CCSER2: variants seen among roughly 807,000 people sequenced by gnomAD.
CCSER2 encodes the protein coiled-coil serine rich protein 2, also known as serine-rich coiled-coil domain-containing protein 2.
A neutral mutation model predicts 92.3 loss-of-function variants in CCSER2; 46 were observed. That is an observed-to-expected ratio of 0.50 (90% CI 0.39 to 0.64). The LOEUF (loss-of-function observed/expected upper bound fraction) is 0.64. Among genes scored for constraint, CCSER2 ranks in the 30% least tolerant of loss-of-function variants. CCSER2 has a pLI of 0.00. For missense variants in CCSER2, 1,244 were observed against 1,238.9 expected (o/e 1.00, Z -0.06); for synonymous variants, 433 against 431.4 (o/e 1.00, Z -0.04).
chr10:84,355,357 CTA>C (rs1459984401), intron 1 of CCSER2, among the ~76,000 whole-genome samples: 1 of 152,106 alleles, frequency 6.6e-6, no homozygotes, highest in African/African-American at 2.4e-5. Flanking sequence ...CATGCTGATT[CTA>C]TGTTTTTGTT....
chr10:84,470,690 G>A (rs1846740009), intron 8 of CCSER2, among the ~76,000 whole-genome samples: 1 of 151,798 alleles, frequency 6.6e-6, no homozygotes, highest in African/African-American at 2.4e-5. Flanking sequence ...CTCAGTTTTG[G>A]GTATTTAAAA....
At chr10:84,507,577 T>C (rs1156691530) in intron 9 of CCSER2, among the ~76,000 whole-genome samples, 3 of 152,210 alleles carry the variant, frequency 2.0e-5, no homozygotes, top group Non-Finnish European at 4.4e-5. Context: ...TATTACACTT[T>C]AGAACATTTC....
intron 9 of CCSER2, among the ~76,000 whole-genome samples, chr10:84,487,298 G>T (rs950301152): frequency 2.0e-5 from 3 of 152,190 alleles, no homozygotes; most frequent in Non-Finnish European, 4.4e-5. Context: ...TTGGTAGCTT[G>T]ATGGGGATGG....
intron 3 of CCSER2, among the ~76,000 whole-genome samples, chr10:84,377,659 T>C (rs1589485241): frequency 6.6e-6 from 1 of 152,302 alleles, no homozygotes; most frequent in East Asian, 1.9e-4. Context: ...GCTTGTCCGT[T>C]TCCAGGAAGG....
intron 3 of CCSER2, among the ~76,000 whole-genome samples, chr10:84,404,223 T>A (rs1455687489): frequency 2.0e-5 from 3 of 152,168 alleles, no homozygotes; most frequent in Non-Finnish European, 4.4e-5. Context: ...CATGCCTTGA[T>A]CCTCAGTATC....
At chr10:84,491,895 G>A (rs1025313891) in intron 9 of CCSER2, among the ~76,000 whole-genome samples, 2 of 152,090 alleles carry the variant, frequency 1.3e-5, no homozygotes, top group Admixed American at 1.3e-4. Context: ...TAATCTACAT[G>A]CTTTCTTAGA....
intron 9 of CCSER2, among the ~76,000 whole-genome samples, chr10:84,506,369 T>A (rs1849043568): frequency 6.6e-6 from 1 of 152,230 alleles, no homozygotes; most frequent in Admixed American, 6.5e-5. Flanking sequence ...AGCGAAAGTC[T>A]TTAAATCTAG....
chr10:84,406,005 A>G (rs1373281349), intron 3 of CCSER2, among the ~76,000 whole-genome samples: 1 of 152,228 alleles, frequency 6.6e-6, no homozygotes, highest in Non-Finnish European at 1.5e-5. Flanking sequence ...GCATGCTTAT[A>G]ATAACTTCAT....
chr10:84,394,041 A>C (rs1841680038), intron 3 of CCSER2: 1 of 152,224 alleles, frequency 6.6e-6, no homozygotes. Flanking sequence ...ATCAGTATAG[A>C]TCTTTTTGTC....
chr10:84,380,453 A>G (rs1840835688), intron 3 of CCSER2, among the ~76,000 whole-genome samples: 2 of 151,912 alleles, frequency 1.3e-5, no homozygotes. Context: ...TACCGTTCAT[A>G]GTTTTTGCTT....
At chr10:84,342,069 C>A (rs538481431) in intron 1 of CCSER2, among the ~76,000 whole-genome samples, 2 of 152,072 alleles carry the variant, frequency 1.3e-5, no homozygotes, top group Non-Finnish European at 2.9e-5. Flanking sequence ...CCCTTCCCCC[C>A]CCTGGAGGTT....
At chr10:84,439,006 A>T (rs1402496016) in intron 6 of CCSER2, among the ~76,000 whole-genome samples, 1 of 152,182 alleles carries the variant, frequency 6.6e-6, no homozygotes, top group African/African-American at 2.4e-5. Context: ...AGAGAATTAG[A>T]AATAATAGTT....
chr10:84,461,236 T>C (rs1451981249), intron 6 of CCSER2, among the ~76,000 whole-genome samples: 2 of 152,190 alleles, frequency 1.3e-5, no homozygotes, highest in Non-Finnish European at 2.9e-5. Flanking sequence ...ATTATCTTTC[T>C]GTTATTAGTT....
In CCSER2 at chr10:84,373,694, C is replaced by T. The variant is rs752738472; in HGVS notation, c.1493C>T (p.Ser498Leu). The change falls in exon 3 of 10, where the codon TCG (serine) becomes TTG (leucine). Residue 498 changes from serine (S) to leucine (L), a missense_variant. Ser to Leu is a moderately radical substitution (Grantham distance 145). Transcript: ENST00000372088. ...GATACAGACTACAGAGCTGGTTCTT[C>T]GTTTGAACTCTCTCCATCTGATAGC... is the stretch of plus-strand genomic sequence containing the variant. ...SPDTDYRAGS[S>L]FELSPSDSSD... 9 of 1,613,468 alleles carry T rather than the reference C, an allele frequency of 5.6e-6. No homozygotes were observed. The highest frequency in any genetic ancestry group is 2.7e-5 in the African/African-American group (2 of 74,864).
chr10:84,470,013 ATTTTTTTTTTT>A (rs67106487), intron 7 of CCSER2, among the ~76,000 whole-genome samples: 2 of 96,518 alleles, frequency 2.1e-5, no homozygotes, highest in East Asian at 3.0e-4. Flanking sequence ...TTTGTATGTG[ATTTTTTTTTTT>A]TTTTTTTTTT....
At chr10:84,492,819 T>C (rs993612930) in intron 9 of CCSER2, among the ~76,000 whole-genome samples, 8 of 152,196 alleles carry the variant, frequency 5.3e-5, no homozygotes, top group African/African-American at 1.4e-4. Flanking sequence ...TTAGTCATGG[T>C]ATGTAGTTCT....
chr10:84,499,478 T>G (rs904826845), intron 9 of CCSER2, among the ~76,000 whole-genome samples: 8 of 152,222 alleles, frequency 5.3e-5, no homozygotes, highest in African/African-American at 1.9e-4. Context: ...ATTGCCTGAT[T>G]CACAAATTGG....
At chr10:84,410,665 A>T (rs1212291382) in intron 3 of CCSER2, among the ~76,000 whole-genome samples, 1 of 152,064 alleles carries the variant, frequency 6.6e-6, no homozygotes, top group Non-Finnish European at 1.5e-5. Context: ...TAGTGACTAG[A>T]CCTTTGTCAG....
chr10:84,369,297 TC>T (rs1256979642), intron 1 of CCSER2, among the ~76,000 whole-genome samples: 1 of 152,170 alleles, frequency 6.6e-6, no homozygotes, highest in Non-Finnish European at 1.5e-5. Flanking sequence ...ACCTAAATGT[TC>T]CCTTTTCATC....
Sources: gnomAD v4.1 joint callset for allele counts (sites outside exome capture counted in the v4.1 genomes callset) on GRCh38, gnomAD v4.1.1 for gene constraint, MANE v1.5 for transcripts, NCBI Gene and HGNC (gene_info 2026-07-23, HGNC 2026-07-21) for gene names.